Variants in SLC38A6 observed in about 807,000 individuals in gnomAD.
SLC38A6 encodes N system amino acid transporter NAT-1.
Under a neutral mutation model 65.0 loss-of-function variants are expected in SLC38A6, and 73 were observed. The ratio of observed to expected loss-of-function variants is 1.12; its 90% confidence interval spans 0.93 to 1.37. The LOEUF is 1.37. Among genes scored for constraint, SLC38A6 ranks in the 40% most tolerant of loss-of-function variants. The probability of loss-of-function intolerance (pLI) is 0.00; values close to 1 mark genes in which losing one functional copy is unlikely to be tolerated. For synonymous variants in SLC38A6, 183 were observed against 178.8 expected, an observed-to-expected ratio of 1.02 and a Z score of -0.19; for missense variants, 561 against 531.1, an observed-to-expected ratio of 1.06 and a Z score of -0.55.
chr14:61,061,912 A>G (rs1026603141), intron 15 of SLC38A6, among the ~76,000 whole-genome samples: 1 of 150,402 alleles, frequency 6.6e-6, no homozygotes, highest in Non-Finnish European at 1.5e-5. Flanking sequence ...ATCTCGGCTC[A>G]CTGTAGCCTC....
chr14:61,030,587 G>C lies in SLC38A6; in HGVS notation c.482+64G>C. On this transcript the variant is annotated intron_variant, in intron 6 of 15. Coordinates refer to ENST00000267488, the MANE Select transcript of SLC38A6 (RefSeq NM_153811.3). ...TAATTTGATAAATATGTATTAAGCT[G>C]TAAATGGCAATACTTGTAGTGGCAG... 7.1e-6 allele frequency: 8 copies of C among 1,124,274 alleles called. No individual in the cohort carries two copies. In the East Asian group the frequency reaches 1.9e-4, roughly 27 times the overall value. 69.6% of individuals were successfully genotyped at this position (1,124,274 alleles called of 1,614,324 possible).
chr14:61,015,176 C>A (rs141837335), intron 3 of SLC38A6, among the ~76,000 whole-genome samples: 1 of 152,172 alleles, frequency 6.6e-6, no homozygotes, highest in Non-Finnish European at 1.5e-5. Context: ...TAGGACCCTC[C>A]GAGCCAGGTG....
intron 15 of SLC38A6, among the ~76,000 whole-genome samples, chr14:61,072,344 A>T (rs1180428668): frequency 2.0e-5 from 3 of 152,210 alleles, no homozygotes; most frequent in African/African-American, 7.2e-5. Context: ...AGAATGGGGT[A>T]TCCATCCCCT....
chr14:61,049,751 A>C (rs549521030), intron 12 of SLC38A6, among the ~76,000 whole-genome samples: 1 of 152,226 alleles, frequency 6.6e-6, no homozygotes, highest in African/African-American at 2.4e-5. Flanking sequence ...GCACCATTCT[A>C]TTTTAAGTAC....
Position 61,052,401 on chromosome 14 carries a change from T to C in SLC38A6, c.1343T>C (p.Leu448Pro). The C allele has an allele frequency of 6.3e-7, 1 of 1,578,538 alleles. No homozygotes were observed. Among genetic ancestry groups the C allele is most frequent in the Non-Finnish European group, 8.6e-7 (1 of 1,165,024 alleles). ...GILVGNFSLA[L>P]IIFDWINK ...TTGGTTGGGAATTTTAGTTTAGCAC[T>C]CATCATTTTTGATTGGATTAATAAA... Residue 448 changes from leucine to proline, a missense_variant, in exon 16 of 16, where the codon CTC becomes CCC. Coordinates refer to ENST00000267488, the MANE Select transcript of SLC38A6 (RefSeq NM_153811.3).
At chr14:61,043,039 C>T in intron 8 of SLC38A6, 108 bp from the exon 9 acceptor site, 1 of 691,886 alleles carries the variant, frequency 1.4e-6, no homozygotes, top group South Asian at 2.0e-5. Flanking sequence ...AGCAGAGACT[C>T]TTCTATTAGC....
Position 61,037,084 on chromosome 14 carries a change from C to T in SLC38A6, c.508C>T (p.Leu170=), listed in dbSNP as rs200242212. ...ATATTGGTATCTTGATGGACAAACA[C>T]TACTAATAATCATATGTGTTGGCAT... is the stretch of plus-strand genomic sequence containing the variant. ...SRYWYLDGQT[L]LIIICVGIVF... is the part of the protein sequence containing the mutation. The change falls in exon 7 of 16, where the codon CTA becomes TTA. Residue 170 remains leucine (L), a synonymous_variant. Transcript: ENST00000267488. 55 of 1,610,498 alleles carry T rather than the reference C, an allele frequency of 3.4e-5. No homozygotes were observed. Among genetic ancestry groups the T allele is most frequent in the Non-Finnish European group, 6.8e-6 (8 of 1,178,328 alleles).
chr14:61,008,529 C>G (rs2039321989), intron 3 of SLC38A6, among the ~76,000 whole-genome samples: 1 of 152,196 alleles, frequency 6.6e-6, no homozygotes, highest in East Asian at 1.9e-4. Flanking sequence ...ATTGCTGTAC[C>G]AAGCCTTGGT....
intron 6 of SLC38A6, among the ~76,000 whole-genome samples, chr14:61,031,268 T>C (rs2040970264): frequency 6.6e-6 from 1 of 152,168 alleles, no homozygotes; most frequent in Non-Finnish European, 1.5e-5. Flanking sequence ...TTATTTCACA[T>C]AGTTAAGTTT....
At chr14:61,030,316 A>G (rs1468437832) in intron 5 of SLC38A6, 129 bp from the exon 6 acceptor site, 8 of 560,880 alleles carry the variant, frequency 1.4e-5, no homozygotes, top group African/African-American at 1.2e-4. Context: ...TCTTTGGTAT[A>G]GTGTGTTATA....
intron 3 of SLC38A6, among the ~76,000 whole-genome samples, chr14:60,995,648 G>A (rs180957172): frequency 6.6e-6 from 1 of 152,178 alleles, no homozygotes; most frequent in East Asian, 1.9e-4. Flanking sequence ...AAGGAAGGGA[G>A]GGAGGAAAGA....
At chr14:61,026,131 C>A (rs557924953) in intron 5 of SLC38A6, among the ~76,000 whole-genome samples, 8 of 152,148 alleles carry the variant, frequency 5.3e-5, no homozygotes, top group African/African-American at 1.7e-4. Context: ...GGCCCAAACT[C>A]CAATTAGGGT....
rs111622952 is a variant in SLC38A6, at chr14:61,052,289, AT to A, written c.1291-53del. On this transcript the variant is annotated intron_variant, in intron 15 of 15. Transcript: ENST00000267488. ...GAGATTTAACAAATAATCCAATTGT[AT>A]TTTTTTATCTTTTTTCTTTTATCTT... The A allele has an allele frequency of 3.6e-5, 51 of 1,409,308 alleles. No individual in the cohort carries two copies. The African/African-American group carries it at 4.7e-4, about 13-fold the overall frequency. 87.3% of individuals were successfully genotyped at this position (1,409,308 alleles called of 1,614,324 possible).
chr14:61,054,691 G>T (rs2042646309), downstream of SLC38A6, among the ~76,000 whole-genome samples: 1 of 152,132 alleles, frequency 6.6e-6, no homozygotes, highest in African/African-American at 2.4e-5. Flanking sequence ...TGGTGTATAG[G>T]AATGCTAGTA....
At chr14:61,032,700 T>G (rs1299530297) in intron 6 of SLC38A6, among the ~76,000 whole-genome samples, 1 of 151,854 alleles carries the variant, frequency 6.6e-6, no homozygotes, top group Non-Finnish European at 1.5e-5. Flanking sequence ...TGCAGATAAA[T>G]CATTAGTCTT....
chr14:61,001,685 A>G (rs1167455295), intron 3 of SLC38A6, among the ~76,000 whole-genome samples: 1 of 152,068 alleles, frequency 6.6e-6, no homozygotes, highest in Non-Finnish European at 1.5e-5. Flanking sequence ...TTGGTTATCT[A>G]TTGATTTAAG....
At chr14:61,032,034 T>A (rs2041028233) in intron 6 of SLC38A6, among the ~76,000 whole-genome samples, 1 of 151,920 alleles carries the variant, frequency 6.6e-6, no homozygotes, top group Non-Finnish European at 1.5e-5. Flanking sequence ...GCTAATAGCA[T>A]GTGTATAAAC....
intron 5 of SLC38A6, among the ~76,000 whole-genome samples, chr14:61,027,097 C>T (rs1360537409): frequency 6.6e-6 from 1 of 152,086 alleles, no homozygotes; most frequent in African/African-American, 2.4e-5. Context: ...GTTGCTTCTC[C>T]ATGTTGTTTT....
chr14:61,050,899 A>G (rs1306797819), intron 13 of SLC38A6, among the ~76,000 whole-genome samples: 1 of 152,190 alleles, frequency 6.6e-6, no homozygotes, highest in Non-Finnish European at 1.5e-5. Flanking sequence ...TTTAGAAACT[A>G]TAGTTCTTCT....
Sources: gnomAD v4.1 joint callset for allele counts (sites outside exome capture counted in the v4.1 genomes callset) on GRCh38, gnomAD v4.1.1 for gene constraint, MANE v1.5 for transcripts, NCBI Gene and HGNC (gene_info 2026-07-23, HGNC 2026-07-21) for gene names.